TBCE: variants seen among roughly 807,000 people sequenced by gnomAD.
TBCE encodes tubulin-specific chaperone E.
In TBCE, 53 loss-of-function variants were observed where a neutral mutation model predicts 77.0. That is an observed-to-expected ratio of 0.69 (90% CI 0.55 to 0.87). The LOEUF is 0.87. Among genes scored for constraint, TBCE ranks in the 40% least tolerant of loss-of-function variants. The pLI is 0.00. For synonymous variants in TBCE, 235 were observed against 241.3 expected (o/e 0.97, Z 0.24); for missense variants, 624 against 622.4 (o/e 1.00, Z -0.03).
chr1:235,391,872 G>T (rs746434286), intron 2 of TBCE, among the ~76,000 whole-genome samples: 1 of 151,794 alleles, frequency 6.6e-6, no homozygotes, highest in African/African-American at 2.4e-5. Context: ...CTCTCAAAGC[G>T]CTGGGATTAC....
chr1:235,390,527 G>A (rs1678313620), intron 2 of TBCE, among the ~76,000 whole-genome samples: 1 of 151,916 alleles, frequency 6.6e-6, no homozygotes, highest in African/African-American at 2.4e-5. Flanking sequence ...CAAGTCGGAT[G>A]GATCACCTGA....
chr1:235,443,260 G>A (rs149213460), intron 15 of TBCE, among the ~76,000 whole-genome samples: 6 of 152,092 alleles, frequency 3.9e-5, no homozygotes, highest in Non-Finnish European at 5.9e-5. Context: ...GGAATGCAGT[G>A]GCACCAACTC....
intron 3 of TBCE, among the ~76,000 whole-genome samples, chr1:235,406,340 A>G (rs1324335529): frequency 6.6e-6 from 1 of 152,198 alleles, no homozygotes; most frequent in Non-Finnish European, 1.5e-5. Flanking sequence ...CTGAGCTATT[A>G]TTACCCATAA....
rs13373871 is a variant in TBCE at position 235,419,869 on chromosome 1, C to T, written c.460+308C>T. ...TTGGGAGGCTGAGGCAGGTGGATCA[C>T]GAGGTTAGGAGATCGAGAACATCCT... On this transcript the variant is annotated intron_variant, in intron 5 of 16. Coordinates refer to ENST00000642610, the MANE Select transcript of TBCE (RefSeq NM_003193.5). Among the ~76,000 whole-genome samples the T allele has an allele frequency of 0.067, 10,219 of 151,938 alleles. 654 individuals carry two copies. Among genetic ancestry groups the T allele is most frequent in the African/African-American group, 0.17 (6,913 of 41,400 alleles).
intron 15 of TBCE, 54 bp downstream of exon 15, chr1:235,442,965 T>C (rs1464576252): frequency 3.2e-6 from 5 of 1,581,504 alleles, no homozygotes; most frequent in Non-Finnish European, 4.3e-6. Context: ...GGCCTAGGTA[T>C]GAGTCAGCTA....
intron 2 of TBCE, among the ~76,000 whole-genome samples, chr1:235,381,334 G>C (rs528031590): frequency 3.6e-4 from 55 of 152,078 alleles, no homozygotes; most frequent in Non-Finnish European, 7.1e-4. Flanking sequence ...CATAGTTCTT[G>C]AAACATAATT....
intron 6 of TBCE, chr1:235,430,201 C>T (rs75065026): frequency 0.012 from 1,857 of 155,966 alleles, 49 homozygotes; most frequent in African/African-American, 0.042. Context: ...TTCAAAGTGA[C>T]TGTCAGGATT....
intron 4 of TBCE, 184 bp from the exon 5 acceptor site, chr1:235,419,289 G>A: frequency 1.2e-6 from 1 of 834,590 alleles, no homozygotes. Flanking sequence ...AGTTGCATTT[G>A]TAATATTTGT....
At chr1:235,367,541 C>T in intron 1 of TBCE, 37 bp downstream of exon 1, 1 of 152,864 alleles carries the variant, frequency 6.5e-6, no homozygotes, top group Non-Finnish European at 1.5e-5. Context: ...TCGGAACGAG[C>T]ATTCCTGGCC....
At chr1:235,404,145 C>T (rs1041972535) in intron 3 of TBCE, among the ~76,000 whole-genome samples, 2 of 151,966 alleles carry the variant, frequency 1.3e-5, no homozygotes, top group Non-Finnish European at 2.9e-5. Context: ...GGCGTGGTGG[C>T]GGGCGCCTGT....
At chr1:235,424,854 T>C (rs1182660381) in intron 5 of TBCE, among the ~76,000 whole-genome samples, 1 of 152,198 alleles carries the variant, frequency 6.6e-6, no homozygotes, top group African/African-American at 2.4e-5. Context: ...TTGGCCAGGC[T>C]GGTCTCGAAC....
chr1:235,410,843 G>C (rs915646683), intron 3 of TBCE, among the ~76,000 whole-genome samples: 1 of 152,188 alleles, frequency 6.6e-6, no homozygotes, highest in Non-Finnish European at 1.5e-5. Flanking sequence ...TCAGGGTAGA[G>C]GAGCTCAGTT....
At chr1:235,429,611 T>C (rs1680969194) in intron 6 of TBCE, 1 of 152,206 alleles carries the variant, frequency 6.6e-6, no homozygotes, top group South Asian at 2.1e-4. Flanking sequence ...ATAAGGATTT[T>C]TCATTAATCT....
chr1:235,393,198 T>G (rs546331540), intron 2 of TBCE, among the ~76,000 whole-genome samples: 10 of 152,218 alleles, frequency 6.6e-5, no homozygotes, highest in Non-Finnish European at 7.3e-5. Flanking sequence ...TATTGGCTTT[T>G]CACATTATTT....
In TBCE at chr1:235,385,123, G is replaced by C. The variant is rs543633920; in HGVS notation, c.100+4974G>C. Among the ~76,000 whole-genome samples the C allele has an allele frequency of 5.5e-4, 83 of 152,100 alleles. 1 individual carries two copies. Among genetic ancestry groups the C allele is most frequent in the African/African-American group, 2.0e-3 (81 of 41,500 alleles). ...TTGTTCAGTTTCCATGTAGTTGAGC[G>C]GTTTTGAGTGAGTTTCTTAATCCTG... On this transcript the variant is annotated intron_variant, in intron 2 of 16. Coordinates refer to ENST00000642610, the MANE Select transcript of TBCE (RefSeq NM_003193.5).
At chr1:235,401,446 C>G in intron 2 of TBCE, 57 bp from the exon 3 acceptor site, 1 of 1,467,632 alleles carries the variant, frequency 6.8e-7, no homozygotes. Context: ...TTGCAGAAAA[C>G]TGGAGCATTG....
chr1:235,423,504 G>C (rs1680526445), intron 5 of TBCE: 1 of 152,438 alleles, frequency 6.6e-6, no homozygotes, highest in East Asian at 1.9e-4. Flanking sequence ...TGGAAACACA[G>C]GGTGGCCAAA....
intron 5 of TBCE, among the ~76,000 whole-genome samples, chr1:235,423,459 C>A (rs982869026): frequency 6.6e-6 from 1 of 152,164 alleles, no homozygotes; most frequent in Admixed American, 6.5e-5. Context: ...TTAAACCCTT[C>A]CTCAGCAGCC....
intron 13 of TBCE, among the ~76,000 whole-genome samples, chr1:235,440,624 A>C (rs1419796400): frequency 1.3e-5 from 2 of 148,626 alleles, no homozygotes; most frequent in South Asian, 2.2e-4. Context: ...AAACTCCTGA[A>C]CTCAGGTGAT....
Sources: gnomAD v4.1 joint callset for allele counts (sites outside exome capture counted in the v4.1 genomes callset) on GRCh38, gnomAD v4.1.1 for gene constraint, MANE v1.5 for transcripts, NCBI Gene and HGNC (gene_info 2026-07-23, HGNC 2026-07-21) for gene names.